Variants in ATRNL1 observed in about 807,000 individuals in gnomAD.
ATRNL1 encodes the protein attractin-like protein 1.
In ATRNL1, 95 loss-of-function variants were observed where a neutral mutation model predicts 182.7. That is an observed-to-expected ratio of 0.52 (90% CI 0.44 to 0.62). The LOEUF is 0.62. Ranked by LOEUF, ATRNL1 falls within the 20% of genes least tolerant of loss-of-function variation. ATRNL1 has a pLI of 0.00. For missense variants in ATRNL1, 1,471 were observed against 1,679.5 expected, an observed-to-expected ratio of 0.88 and a Z score of 2.17; for synonymous variants, 576 against 568.3, an observed-to-expected ratio of 1.01 and a Z score of -0.19.
At chr10:115,318,207 A>G (rs1320485670) in intron 18 of ATRNL1, among the ~76,000 whole-genome samples, 4 of 152,062 alleles carry the variant, frequency 2.6e-5, no homozygotes, top group Admixed American at 2.0e-4. Context: ...ATTGATTTGC[A>G]TATGTTGAAC....
chr10:115,406,942 A>G (rs1554958412), intron 20 of ATRNL1, among the ~76,000 whole-genome samples: 2 of 152,116 alleles, frequency 1.3e-5, no homozygotes, highest in Non-Finnish European at 2.9e-5. Flanking sequence ...TCCATTATCA[A>G]GTAGTATTCA....
At chr10:115,630,798 T>C (rs1449974305) in intron 26 of ATRNL1, among the ~76,000 whole-genome samples, 1 of 145,842 alleles carries the variant, frequency 6.9e-6, no homozygotes, top group East Asian at 2.0e-4. Context: ...TGTACATCTA[T>C]ATTTAATAGA....
At chr10:115,337,664 G>A (rs1289464410) in intron 19 of ATRNL1, among the ~76,000 whole-genome samples, 2 of 152,086 alleles carry the variant, frequency 1.3e-5, no homozygotes, top group African/African-American at 4.8e-5. Flanking sequence ...TTCTGTGCCT[G>A]TCTTATTTCA....
At chr10:115,385,578 T>C (rs1193721469) in intron 19 of ATRNL1, among the ~76,000 whole-genome samples, 1 of 152,180 alleles carries the variant, frequency 6.6e-6, no homozygotes, top group Non-Finnish European at 1.5e-5. Flanking sequence ...ATAAATTATA[T>C]GTTTTTTTCT....
intron 28 of ATRNL1, among the ~76,000 whole-genome samples, chr10:115,895,819 C>A (rs538481875): frequency 1.3e-5 from 2 of 152,246 alleles, no homozygotes; most frequent in Non-Finnish European, 2.9e-5. Context: ...GAGGCCTTCC[C>A]AACGGAGCTG....
At chr10:115,346,453 A>G (rs571416355) in intron 19 of ATRNL1, among the ~76,000 whole-genome samples, 5 of 152,232 alleles carry the variant, frequency 3.3e-5, no homozygotes, top group Admixed American at 6.5e-5. Context: ...TTTCCTTTCT[A>G]AGGTTGAATA....
intron 1 of ATRNL1, among the ~76,000 whole-genome samples, chr10:115,101,451 C>T (rs984879274): frequency 2.0e-5 from 3 of 151,844 alleles, no homozygotes; most frequent in Admixed American, 6.6e-5. Context: ...ATTTTCTGTG[C>T]CCATTGAGAT....
rs566061882 is a variant in ATRNL1 at position 115,454,590 on chromosome 10, T to A, written c.3323-7351T>A. Among the ~76,000 whole-genome samples, 4 of 152,238 alleles carry A rather than the reference T, an allele frequency of 2.6e-5. No homozygotes were observed. The South Asian group carries it at 8.3e-4, about 32-fold the overall frequency. On this transcript the variant is annotated intron_variant, in intron 21 of 28. Coordinates refer to ENST00000355044, the MANE Select transcript of ATRNL1 (RefSeq NM_207303.4). ...AATTTCTTTTGTCAATGTTTTATAGTTTTTAATGTTCAAGTCTTTATTCTC... is the reference window on the plus strand; with the variant it reads ...AATTTCTTTTGTCAATGTTTTATAGATTTTAATGTTCAAGTCTTTATTCTC...
At chr10:115,504,593 A>C (rs1292640117) in intron 24 of ATRNL1, among the ~76,000 whole-genome samples, 1 of 152,110 alleles carries the variant, frequency 6.6e-6, no homozygotes, top group Non-Finnish European at 1.5e-5. Flanking sequence ...TAGTATTTGA[A>C]AGGAATAAGT....
rs536239352 is a variant in ATRNL1 at position 115,224,676 on chromosome 10, AAGTT to A, written c.1532+8800_1532+8803del. 9.2e-5 allele frequency among the ~76,000 whole-genome samples: 14 copies of A among 152,258 alleles called. No homozygotes were observed. The South Asian group carries it at 2.5e-3, about 27-fold the overall frequency. On this transcript the variant is annotated intron_variant, in intron 9 of 28. Coordinates refer to ENST00000355044, the MANE Select transcript of ATRNL1 (RefSeq NM_207303.4). The stretch of plus-strand genomic sequence containing the variant: ...TCATGACAGATCACATAGAGATTAA[AAGTT>A]AGTAAGAACATATGATAAGCGACTC...
At chr10:115,270,287 ATTTGTTT>A in intron 13 of ATRNL1, among the ~76,000 whole-genome samples, 1 of 143,978 alleles carries the variant, frequency 6.9e-6, no homozygotes, top group South Asian at 2.1e-4. Context: ...ATATATAAAC[ATTTGTTT>A]ATATATTTGT....
chr10:115,329,565 A>G (rs924226719), intron 18 of ATRNL1, among the ~76,000 whole-genome samples: 2 of 152,080 alleles, frequency 1.3e-5, no homozygotes, highest in Non-Finnish European at 2.9e-5. Flanking sequence ...AGTTACTCCA[A>G]TGTGCATTCC....
chr10:115,817,769 T>TG (rs1950197020), intron 27 of ATRNL1, among the ~76,000 whole-genome samples: 1 of 137,910 alleles, frequency 7.3e-6, no homozygotes, highest in African/African-American at 3.3e-5. Context: ...AAAAAGTAGT[T>TG]TTTTTTTTTT....
chr10:115,454,228 C>G (rs1472463371), intron 21 of ATRNL1, among the ~76,000 whole-genome samples: 1 of 152,058 alleles, frequency 6.6e-6, no homozygotes, highest in Non-Finnish European at 1.5e-5. Context: ...GGGTTTATTT[C>G]TGGGTTCTTT....
intron 27 of ATRNL1, among the ~76,000 whole-genome samples, chr10:115,740,530 C>T (rs999406529): frequency 2.8e-4 from 42 of 151,148 alleles, no homozygotes; most frequent in African/African-American, 9.5e-4. Context: ...TTTTTTGAGA[C>T]GGAGTCTTGC....
At position 115,944,748 on chromosome 10, in the gene ATRNL1, A is replaced by C; in HGVS notation, c.4109A>C (p.His1370Pro). Residue 1370 changes from histidine (H) to proline (P), a missense_variant, in exon 29 of 29, where the codon CAC becomes CCC. Around this residue, in one of 3 missense-constraint regions of ATRNL1, gnomAD observed 437 missense variants for 506.0 expected, o/e 0.86. Transcript: ENST00000355044. ...DKTSGVRNRK[H>P]LSTRQGTCV The stretch of plus-strand genomic sequence containing the variant: ...ACTTCTGGAGTCCGGAATCGAAAAC[A>C]CCTTTCAACACGTCAAGGAACTTGT... 6.2e-7 allele frequency: 1 copy of C among 1,613,692 alleles called. No homozygotes were observed. Among genetic ancestry groups the C allele is most frequent in the Non-Finnish European group, 8.5e-7 (1 of 1,179,736 alleles).
chr10:115,925,479 G>C (rs1953199629), intron 28 of ATRNL1, among the ~76,000 whole-genome samples: 1 of 151,986 alleles, frequency 6.6e-6, no homozygotes, highest in Non-Finnish European at 1.5e-5. Context: ...TGGATAAAGA[G>C]TCAAGAACCA....
At chr10:115,713,714 A>T (rs1593109978) in intron 26 of ATRNL1, among the ~76,000 whole-genome samples, 1 of 90,378 alleles carries the variant, frequency 1.1e-5, no homozygotes. Context: ...TCATCTATCT[A>T]TCTATCTATC....
intron 26 of ATRNL1, among the ~76,000 whole-genome samples, chr10:115,651,737 T>G (rs1860018468): frequency 6.6e-6 from 1 of 152,142 alleles, no homozygotes; most frequent in Non-Finnish European, 1.5e-5. Flanking sequence ...GTGTTTCTAT[T>G]GGGATTAATA....
Sources: allele counts gnomAD v4.1 joint callset (sites outside exome capture counted in the v4.1 genomes callset), GRCh38; gene constraint gnomAD v4.1.1; regional missense constraint gnomAD v4.1.1; transcripts MANE v1.5; gene names NCBI Gene and HGNC (gene_info 2026-07-23, HGNC 2026-07-21).